The following ZNF600 variants were observed in gnomAD, a reference collection of about 807,000 sequenced individuals.
ZNF600 encodes the protein zinc finger protein 600.
A neutral mutation model predicts 7.3 loss-of-function variants in ZNF600; 4 were observed. The ratio of observed to expected loss-of-function variants is 0.55; its 90% confidence interval spans 0.27 to 1.25. The LOEUF (loss-of-function observed/expected upper bound fraction) is 1.25. Among genes scored for constraint, ZNF600 ranks in the 50% most tolerant of loss-of-function variants. The probability of loss-of-function intolerance (pLI) is 0.12; values close to 1 mark genes in which losing one functional copy is unlikely to be tolerated. For missense variants in ZNF600, 911 were observed against 922.1 expected, an observed-to-expected ratio of 0.99 and a Z score of 0.16; for synonymous variants, 290 against 308.9, an observed-to-expected ratio of 0.94 and a Z score of 0.64.
chr19:52,832,360 C>A, the ZNF600 span, among the ~76,000 whole-genome samples: 1 of 152,034 alleles, frequency 6.6e-6, no homozygotes, highest in African/African-American at 2.4e-5. Context: ...CTTTGGGAGG[C>A]TAAGGTGAAA....
intron 1 of ZNF600, among the ~76,000 whole-genome samples, chr19:52,782,942 GAA>G (rs71183834): frequency 6.6e-6 from 1 of 150,638 alleles, no homozygotes; most frequent in Non-Finnish European, 1.5e-5. Flanking sequence ...AGAGGAACTA[GAA>G]AAAAAAATTA....
At chr19:52,768,522 C>A (rs1200173431) in intron 3 of ZNF600, among the ~76,000 whole-genome samples, 3 of 151,496 alleles carry the variant, frequency 2.0e-5, no homozygotes, top group South Asian at 2.1e-4. Flanking sequence ...CCACACAGGA[C>A]AGGCACTTAA....
chr19:52,779,037 T>G, intron 1 of ZNF600, 130 bp from the exon 4 acceptor site: 1 of 787,820 alleles, frequency 1.3e-6, no homozygotes, highest in East Asian at 2.8e-5. Context: ...CCAGAGATCA[T>G]GCAGAGATAA....
chr19:52,817,569 C>T, the ZNF600 span, among the ~76,000 whole-genome samples: 88,530 of 151,360 alleles, frequency 0.58, 27,078 homozygotes, highest in Non-Finnish European at 0.69. Flanking sequence ...ACTTTGTGCA[C>T]ATTAATACTT....
chr19:52,776,260 C>T (rs910668699), intron 2 of ZNF600, among the ~76,000 whole-genome samples: 5 of 151,650 alleles, frequency 3.3e-5, no homozygotes, highest in Non-Finnish European at 5.9e-5. Flanking sequence ...TGAATATAAA[C>T]GCTGAAGTAA....
intron 2 of ZNF600, among the ~76,000 whole-genome samples, chr19:52,777,602 C>T (rs1364343454): frequency 2.6e-5 from 4 of 152,082 alleles, no homozygotes; most frequent in Non-Finnish European, 1.5e-5. Flanking sequence ...GAGTCCAAGA[C>T]AGGCAGATCA....
chr19:52,781,156 T>G (rs899226213), intron 1 of ZNF600, 101 bp from the exon 3 acceptor site: 2 of 135,772 alleles, frequency 1.5e-5, no homozygotes, highest in African/African-American at 3.3e-5. Context: ...ATCTTGTGCT[T>G]CTTTTTTTTT....
chr19:52,768,630 C>G (rs929874905), intron 3 of ZNF600, among the ~76,000 whole-genome samples: 11 of 151,962 alleles, frequency 7.2e-5, no homozygotes, highest in Non-Finnish European at 1.2e-4. Flanking sequence ...ACTGCAACCT[C>G]TGCCTCCTGG....
At chr19:52,788,001 C>G (rs1233305474), upstream of ZNF600, among the ~76,000 whole-genome samples, 1 of 152,114 alleles carries the variant, frequency 6.6e-6, no homozygotes, top group Non-Finnish European at 1.5e-5. Context: ...CTGATCTGAT[C>G]CACAAAGAGC....
At chr19:52,770,333 T>C (rs887526643) in intron 3 of ZNF600, among the ~76,000 whole-genome samples, 1 of 152,158 alleles carries the variant, frequency 6.6e-6, no homozygotes, top group Non-Finnish European at 1.5e-5. Flanking sequence ...TCTCAGCTAC[T>C]CTGGAGGCTG....
chr19:52,808,179 T>G, the ZNF600 span: 13 of 1,605,026 alleles, frequency 8.1e-6, no homozygotes, highest in Non-Finnish European at 1.0e-5. Context: ...GTGGAGTTCT[T>G]ATCTTTACAG....
At chr19:52,831,289 TAA>T in the ZNF600 span, among the ~76,000 whole-genome samples, 1 of 152,016 alleles carries the variant, frequency 6.6e-6, no homozygotes, top group Admixed American at 6.6e-5. Context: ...ATAACAATCA[TAA>T]TAATAATGAC....
chr19:52,799,240 C>A, the ZNF600 span: 1 of 380,466 alleles, frequency 2.6e-6, no homozygotes, highest in South Asian at 2.7e-5. Context: ...GAATTTTGAC[C>A]AAAGGTGTTG....
At chr19:52,808,627 C>T in the ZNF600 span, among the ~76,000 whole-genome samples, 7 of 148,100 alleles carry the variant, frequency 4.7e-5, no homozygotes, top group African/African-American at 1.8e-4. Flanking sequence ...GAAACTCCAT[C>T]TCAAAAAAAA....
At chr19:52,791,864 TCAAACCC>T in the ZNF600 span, among the ~76,000 whole-genome samples, 2 of 152,108 alleles carry the variant, frequency 1.3e-5, no homozygotes, top group Non-Finnish European at 1.5e-5. Context: ...CCATCCCTGA[TCAAACCC>T]CATCCAGAGG....
chr19:52,829,013 A>G, the ZNF600 span, among the ~76,000 whole-genome samples: 48,621 of 151,818 alleles, frequency 0.32, 10,153 homozygotes, highest in African/African-American at 0.59. Flanking sequence ...GGCGCCTGCC[A>G]CCACGCCTGG....
At chr19:52,827,607 C>T in the ZNF600 span, among the ~76,000 whole-genome samples, 9 of 150,760 alleles carry the variant, frequency 6.0e-5, no homozygotes, top group South Asian at 2.1e-4. Context: ...TGGAGTCTTG[C>T]GGTGTCTGCT....
chr19:52,774,370 G>T (rs368976862), intron 3 of ZNF600, among the ~76,000 whole-genome samples: 3 of 151,296 alleles, frequency 2.0e-5, no homozygotes, highest in Non-Finnish European at 4.4e-5. Flanking sequence ...CAGAGGTTGC[G>T]GTGAGCCAAG....
chr19:52,794,214 T>A, the ZNF600 span, among the ~76,000 whole-genome samples: 12 of 152,112 alleles, frequency 7.9e-5, no homozygotes, highest in Non-Finnish European at 1.5e-4. Context: ...TCAAGATGAT[T>A]TGAGTCTAAT....
Sources: gnomAD v4.1 joint callset for allele counts (sites outside exome capture counted in the v4.1 genomes callset) on GRCh38, gnomAD v4.1.1 for gene constraint, MANE v1.5 for transcripts, NCBI Gene and HGNC (gene_info 2026-07-23, HGNC 2026-07-21) for gene names.